Variants in PIAS2 observed in about 807,000 individuals in gnomAD.
PIAS2 encodes the protein protein inhibitor of activated STAT 2, also known as E3 SUMO-protein ligase PIAS2.
A neutral mutation model predicts 69.7 loss-of-function variants in PIAS2; 19 were observed. That is an observed-to-expected ratio of 0.27 (90% CI 0.19 to 0.40). The LOEUF (loss-of-function observed/expected upper bound fraction) is 0.40, where lower values mean the gene tolerates loss of function less well. Among genes scored for constraint, PIAS2 ranks in the 10% least tolerant of loss-of-function variants. PIAS2 has a pLI of 1.00. For synonymous variants in PIAS2, 261 were observed against 263.2 expected, an observed-to-expected ratio of 0.99 and a Z score of 0.08; for missense variants, 624 against 757.0, an observed-to-expected ratio of 0.82 and a Z score of 2.06.
rs976813864 is a variant in PIAS2 at position 46,805,566 on chromosome 18, A to C, written c.*6867T>G. On this transcript the variant is annotated 3_prime_UTR_variant, in exon 14 of 14. Coordinates refer to ENST00000585916, the MANE Select transcript of PIAS2 (RefSeq NM_004671.5). ...AGGGGGGAAGGACAGCAACCACTGT[A>C]TCTTGAGATATGTAGAATGTGAACA... The C allele has an allele frequency of 6.6e-6, 1 of 152,244 alleles. No individual in the cohort carries two copies. The highest frequency in any genetic ancestry group is 6.5e-5 in the Admixed American group (1 of 15,286). The allele number at this position is 152,244 out of a possible 1,614,324, so 9.4% of individuals were successfully genotyped here. A position where few individuals can be genotyped will look rare whatever the true frequency, so the allele number is the denominator to read the frequency against.
chr18:46,825,007 T>TAA (rs543217727), intron 11 of PIAS2, among the ~76,000 whole-genome samples: 16 of 138,628 alleles, frequency 1.2e-4, no homozygotes, highest in Admixed American at 9.4e-4. Context: ...CTCAAAAAAT[T>TAA]AAAAAAAAAA....
chr18:46,904,899 G>A (rs192264186), intron 1 of PIAS2, among the ~76,000 whole-genome samples: 1 of 152,146 alleles, frequency 6.6e-6, no homozygotes, highest in African/African-American at 2.4e-5. Flanking sequence ...TAGTAATAAT[G>A]TTAAAATATG....
At position 46,806,625 on chromosome 18, in the gene PIAS2, G is replaced by A. The variant is rs1304121255; in HGVS notation, c.*5808C>T. ...CCTGCCTTGGCTTCCCAAAGTGCTGGGATTACAGGCATGAGCCACCATGCC... is the reference window on the plus strand; with the variant it reads ...CCTGCCTTGGCTTCCCAAAGTGCTGAGATTACAGGCATGAGCCACCATGCC... On this transcript the variant is annotated 3_prime_UTR_variant, in exon 14 of 14. Coordinates refer to ENST00000585916, the MANE Select transcript of PIAS2 (RefSeq NM_004671.5). 2 of 152,004 alleles carry A rather than the reference G, an allele frequency of 1.3e-5. No individual in the cohort carries two copies. The highest frequency in any genetic ancestry group is 4.8e-5 in the African/African-American group (2 of 41,392). The allele number at this position is 152,004 out of a possible 1,614,324, so 9.4% of individuals were successfully genotyped here.
rs2040697162 is a variant in PIAS2 at position 46,806,491 on chromosome 18, G to A, written c.*5942C>T. 6.7e-6 allele frequency: 1 copy of A among 149,632 alleles called. No individual in the cohort carries two copies. The highest frequency in any genetic ancestry group is 1.5e-5 in the Non-Finnish European group (1 of 67,654). The allele number at this position is 149,632 out of a possible 1,614,324, so 9.3% of individuals were successfully genotyped here. On this transcript the variant is annotated 3_prime_UTR_variant, in exon 14 of 14. Coordinates refer to ENST00000585916, the MANE Select transcript of PIAS2 (RefSeq NM_004671.5). Reference sequence around the variant, plus strand: ...TCATCCCTCAGCCTCCCAAGTAGCTGGGATTACAGACATGAGCCATCATGC... The same window carrying A: ...TCATCCCTCAGCCTCCCAAGTAGCTAGGATTACAGACATGAGCCATCATGC...
At chr18:46,823,288 CTA>C (rs1248249614) in intron 11 of PIAS2, among the ~76,000 whole-genome samples, 1 of 151,606 alleles carries the variant, frequency 6.6e-6, no homozygotes, top group Non-Finnish European at 1.5e-5. Context: ...CTGAAAGAAA[CTA>C]AAAGACTTTC....
rs757024207 is a variant in PIAS2, at chr18:46,855,327, G to A, written c.726+18C>T. ...TATTAAACTTATATGCAAATCTGGT[G>A]AATAAAAAGCAACTTACAGGCAAAG... On this transcript the variant is annotated intron_variant, in intron 5 of 13. Transcript: ENST00000585916. The A allele has an allele frequency of 1.3e-6, 2 of 1,523,436 alleles. No individual in the cohort carries two copies. Among genetic ancestry groups the A allele is most frequent in the Non-Finnish European group, 1.8e-6 (2 of 1,107,716 alleles). 94.4% of individuals were successfully genotyped at this position (1,523,436 alleles called of 1,614,324 possible).
chr18:46,823,472 T>G (rs1031430616), intron 11 of PIAS2, among the ~76,000 whole-genome samples: 8 of 152,146 alleles, frequency 5.3e-5, no homozygotes, highest in Admixed American at 2.0e-4. Flanking sequence ...CCCTTTGACT[T>G]ACATCTATAA....
At chr18:46,845,819 A>C (rs1326136767) in intron 6 of PIAS2, among the ~76,000 whole-genome samples, 1 of 152,208 alleles carries the variant, frequency 6.6e-6, no homozygotes, top group Admixed American at 6.5e-5. Context: ...TATAAGGAAG[A>C]GTATTATCCC....
chr18:46,904,779 G>A (rs528639356), intron 1 of PIAS2, among the ~76,000 whole-genome samples: 23 of 151,408 alleles, frequency 1.5e-4, no homozygotes, highest in African/African-American at 5.3e-4. Flanking sequence ...AACAGAGATG[G>A]GGGTCTCACT....
rs2040683259 is a variant in PIAS2, at chr18:46,806,344, TG to T, written c.*6088del. ...CATTCTTGGAAAATTCTTTGCACAATGCCTGTTACTTTTTTTTTTTTTTTTT... is the reference window on the plus strand; with the variant it reads ...CATTCTTGGAAAATTCTTTGCACAATCCTGTTACTTTTTTTTTTTTTTTTT... On this transcript the variant is annotated 3_prime_UTR_variant, in exon 14 of 14. Coordinates refer to ENST00000585916, the MANE Select transcript of PIAS2 (RefSeq NM_004671.5). The T allele has an allele frequency of 6.9e-6, 1 of 144,936 alleles. No individual in the cohort carries two copies. The highest frequency in any genetic ancestry group is 1.5e-5 in the Non-Finnish European group (1 of 66,320). The allele number at this position is 144,936 out of a possible 1,614,324, so 9.0% of individuals were successfully genotyped here.
At chr18:46,831,606 T>C (rs1281207739) in intron 9 of PIAS2, among the ~76,000 whole-genome samples, 1 of 152,200 alleles carries the variant, frequency 6.6e-6, no homozygotes, top group East Asian at 1.9e-4. Context: ...AAATGCAGTA[T>C]TGACATAACT....
intron 11 of PIAS2, chr18:46,826,880 T>C (rs1205282077): frequency 6.6e-6 from 1 of 152,122 alleles, no homozygotes. Context: ...AAATAAACAA[T>C]GTTGCAAAAC....
rs72907152 is a variant in PIAS2 at position 46,837,718 on chromosome 18, A to G, written c.1042-1201T>C. ...GTCCACTGGCACCAAGACGTACACA[A>G]CACTCAGATTTGATCAGACCAGGTT... is the stretch of plus-strand genomic sequence containing the variant. On this transcript the variant is annotated intron_variant, in intron 8 of 13. Transcript: ENST00000585916. 8.5e-3 allele frequency among the ~76,000 whole-genome samples: 1,299 copies of G among 152,318 alleles called. 10 individuals are homozygous for G. The highest frequency in any genetic ancestry group is 0.014 in the Non-Finnish European group (936 of 68,020).
chr18:46,816,504 A>G (rs1486934940), intron 12 of PIAS2: 2 of 923,524 alleles, frequency 2.2e-6, no homozygotes, highest in East Asian at 1.2e-4. Context: ...GGAGACACTG[A>G]GTCTGCTCTG....
intron 1 of PIAS2, among the ~76,000 whole-genome samples, chr18:46,895,704 A>G (rs2054752953): frequency 6.6e-6 from 1 of 152,146 alleles, no homozygotes; most frequent in South Asian, 2.1e-4. Context: ...ATCTTCATTT[A>G]TAAGTAGGAA....
At chr18:46,819,449 ATAACTT>A (rs1392142122) in intron 12 of PIAS2, among the ~76,000 whole-genome samples, 1 of 152,154 alleles carries the variant, frequency 6.6e-6, no homozygotes, top group Non-Finnish European at 1.5e-5. Context: ...GAAGCAAAGA[ATAACTT>A]TAAAAGCCAT....
intron 2 of PIAS2, among the ~76,000 whole-genome samples, chr18:46,876,549 G>C (rs771932566): frequency 2.0e-5 from 3 of 152,192 alleles, no homozygotes; most frequent in Non-Finnish European, 4.4e-5. Context: ...GAAAGGTGGA[G>C]TTTGTGTCAT....
Position 46,917,360 on chromosome 18 carries a change from G to A in PIAS2, c.-15C>T. On this transcript the variant is annotated 5_prime_UTR_variant, in exon 1 of 14. Coordinates refer to ENST00000585916, the MANE Select transcript of PIAS2 (RefSeq NM_004671.5). ...AAATCCGCCATTTTATACCACCCGC[G>A]GGCGCCGCCGCCGCTGCCGCCGCAC... 3 of 1,461,092 alleles carry A rather than the reference G, an allele frequency of 2.1e-6. No homozygotes were observed. The highest frequency in any genetic ancestry group is 6.2e-5 in the East Asian group (2 of 32,104). 90.5% of individuals were successfully genotyped at this position (1,461,092 alleles called of 1,614,324 possible). A position where few individuals can be genotyped will look rare whatever the true frequency, so the allele number is the denominator to read the frequency against.
intron 5 of PIAS2, among the ~76,000 whole-genome samples, chr18:46,854,572 T>C (rs1393207417): frequency 2.6e-5 from 4 of 152,202 alleles, no homozygotes; most frequent in African/African-American, 9.7e-5. Flanking sequence ...CTACATTTAT[T>C]ATTTTATTTT....
Sources: gnomAD v4.1 joint callset for allele counts (sites outside exome capture counted in the v4.1 genomes callset) on GRCh38, gnomAD v4.1.1 for gene constraint, MANE v1.5 for transcripts, NCBI Gene and HGNC (gene_info 2026-07-23, HGNC 2026-07-21) for gene names.